GLCCI1: variants seen among roughly 807,000 people sequenced by gnomAD.
The protein encoded by GLCCI1 is glucocorticoid-induced transcript 1 protein.
In GLCCI1, 24 loss-of-function variants were observed where a neutral mutation model predicts 52.2. The ratio of observed to expected loss-of-function variants is 0.46; its 90% CI spans 0.33 to 0.65. The LOEUF (loss-of-function observed/expected upper bound fraction) is 0.65. Among genes scored for constraint, GLCCI1 ranks in the 30% least tolerant of loss-of-function variants. The pLI is 0.02. For synonymous variants in GLCCI1, 310 were observed against 276.5 expected (o/e 1.12, Z -1.20); for missense variants, 704 against 701.5 (o/e 1.00, Z -0.04).
chr7:8,069,647 G>A (rs1336393840), intron 5 of GLCCI1, among the ~76,000 whole-genome samples: 1 of 152,034 alleles, frequency 6.6e-6, no homozygotes, highest in Admixed American at 6.5e-5. Flanking sequence ...AAAGCCCTCG[G>A]CCTCTCTGTT....
At chr7:7,981,872 C>G (rs778601055) in intron 1 of GLCCI1, 3 of 456,006 alleles carry the variant, frequency 6.6e-6, no homozygotes, top group South Asian at 4.8e-5. Flanking sequence ...AGGCAGAAGA[C>G]TCCAAGTCAA....
chr7:7,970,363 A>C (rs1184803348), intron 1 of GLCCI1: 4 of 151,692 alleles, frequency 2.6e-5, no homozygotes, highest in Non-Finnish European at 5.9e-5. Flanking sequence ...TTTTTCCCTC[A>C]GTCCTCCCTC....
chr7:8,068,319 C>T (rs771235832), intron 5 of GLCCI1, among the ~76,000 whole-genome samples: 5 of 152,122 alleles, frequency 3.3e-5, no homozygotes, highest in Non-Finnish European at 5.9e-5. Context: ...CATTGCACTC[C>T]ATCCTGGCAA....
intron 6 of GLCCI1, among the ~76,000 whole-genome samples, chr7:8,074,729 A>G (rs1396110786): frequency 6.6e-6 from 1 of 152,192 alleles, no homozygotes; most frequent in African/African-American, 2.4e-5. Flanking sequence ...GTTTTCTACA[A>G]TAAATCATAA....
At chr7:8,001,577 A>G (rs1188808969) in intron 1 of GLCCI1, among the ~76,000 whole-genome samples, 3 of 152,370 alleles carry the variant, frequency 2.0e-5, no homozygotes, top group Middle Eastern at 3.4e-3. Flanking sequence ...TAAAAATACC[A>G]TTTGACCCAG....
At chr7:8,024,280 A>G (rs1296907421) in intron 3 of GLCCI1, among the ~76,000 whole-genome samples, 2 of 152,190 alleles carry the variant, frequency 1.3e-5, no homozygotes, top group African/African-American at 4.8e-5. Flanking sequence ...CAGCTTCTTT[A>G]TAGTATGGAT....
intron 2 of GLCCI1, among the ~76,000 whole-genome samples, chr7:8,013,807 G>C (rs1347364628): frequency 6.6e-6 from 1 of 152,044 alleles, no homozygotes; most frequent in Non-Finnish European, 1.5e-5. Flanking sequence ...TCTTCAACTT[G>C]ACTTTTCTTG....
At chr7:8,018,166 A>T (rs993485633) in intron 2 of GLCCI1, among the ~76,000 whole-genome samples, 1 of 152,154 alleles carries the variant, frequency 6.6e-6, no homozygotes, top group Non-Finnish European at 1.5e-5. Flanking sequence ...GTCAGTACTC[A>T]TATTTCTATA....
intron 5 of GLCCI1, among the ~76,000 whole-genome samples, chr7:8,060,916 A>G (rs532925000): frequency 5.9e-5 from 9 of 152,242 alleles, no homozygotes; most frequent in South Asian, 4.1e-4. Context: ...AAGTGTCTGC[A>G]TTGTTGTATA....
chr7:8,021,368 C>T (rs188688398), intron 2 of GLCCI1, among the ~76,000 whole-genome samples: 16 of 152,182 alleles, frequency 1.1e-4, no homozygotes, highest in Middle Eastern at 3.4e-3. Context: ...ATTTACATTA[C>T]GCAAGTCTTC....
chr7:8,086,325 C>G lies in GLCCI1; in HGVS notation c.1431C>G (p.Leu477=), dbSNP rs913390303. The G allele has an allele frequency of 2.5e-6, 4 of 1,613,940 alleles. No individual in the cohort carries two copies. In the African/African-American group the frequency reaches 4.0e-5, roughly 16 times the overall value. Residue 477 remains leucine, a synonymous_variant, in exon 8 of 8, where the codon CTC becomes CTG. Coordinates refer to ENST00000223145, the MANE Select transcript of GLCCI1 (RefSeq NM_138426.4). This position sits in a 1 kb window ranked among gnomAD's most constrained non-coding sequence, Gnocchi z 4.4. ...TCTTACCTGCTTCTGACCTTATGCT[C>G]AAGAACTCCCCTAACTCTGGCCAGA... ...GPLLPASDLM[L]KNSPNSGQSS...
chr7:8,086,992 A>G lies in GLCCI1; in HGVS notation c.*454A>G, dbSNP rs1000409926. On this transcript the variant is annotated 3_prime_UTR_variant, in exon 8 of 8. Transcript: ENST00000223145. This position sits in a 1 kb window ranked among gnomAD's most constrained non-coding sequence, Gnocchi z 4.4. Reference sequence around the variant, plus strand: ...AATACATACAATGCAAAAAAAAAAAAAAAAAAATGGCCACAACAGTTGCAC... The same window carrying G: ...AATACATACAATGCAAAAAAAAAAAGAAAAAAATGGCCACAACAGTTGCAC... 1 of 155,330 alleles carries G rather than the reference A, an allele frequency of 6.4e-6. No homozygotes were observed. Among genetic ancestry groups the G allele is most frequent in the African/African-American group, 2.4e-5 (1 of 41,456 alleles). 9.6% of individuals were successfully genotyped at this position (155,330 alleles called of 1,614,324 possible).
At chr7:8,057,783 A>G (rs1018106876) in intron 4 of GLCCI1, among the ~76,000 whole-genome samples, 8 of 152,130 alleles carry the variant, frequency 5.3e-5, no homozygotes, top group African/African-American at 1.9e-4. Context: ...TTTCTCTAGG[A>G]GTCCAGTGCG....
chr7:8,079,617 G>A (rs960643195), intron 6 of GLCCI1, among the ~76,000 whole-genome samples: 2 of 151,502 alleles, frequency 1.3e-5, no homozygotes, highest in Non-Finnish European at 2.9e-5. Context: ...TGCATATCAA[G>A]ATTATGTTGT....
At chr7:8,078,230 AG>A (rs1480033468) in intron 6 of GLCCI1, among the ~76,000 whole-genome samples, 4 of 149,990 alleles carry the variant, frequency 2.7e-5, no homozygotes, top group African/African-American at 9.8e-5. Context: ...AAAAAAAAAA[AG>A]GCCACTATTT....
intron 6 of GLCCI1, among the ~76,000 whole-genome samples, chr7:8,079,067 A>G (rs1432146147): frequency 1.3e-5 from 2 of 152,230 alleles, no homozygotes; most frequent in Non-Finnish European, 2.9e-5. Flanking sequence ...GTGAATATTT[A>G]AAATTGTAGT....
chr7:7,971,804 G>A lies in GLCCI1; in HGVS notation c.457+1997G>A, dbSNP rs532492554. 6.6e-5 allele frequency among the ~76,000 whole-genome samples: 10 copies of A among 152,302 alleles called. No homozygotes were observed. The South Asian group carries it at 2.1e-3, about 32-fold the overall frequency. On this transcript the variant is annotated intron_variant, in intron 1 of 7. Transcript: ENST00000223145. ...AATGCGATTTTAATGCAATCATGAT[G>A]AAAACACTTTTCTGAGTCTGGTTGT...
At chr7:8,041,533 G>T (rs909965421) in intron 3 of GLCCI1, among the ~76,000 whole-genome samples, 1 of 152,206 alleles carries the variant, frequency 6.6e-6, no homozygotes, top group African/African-American at 2.4e-5. Flanking sequence ...TAGCTGGAGA[G>T]AAGTTGATGA....
At chr7:8,067,729 G>A (rs79067224) in intron 5 of GLCCI1, among the ~76,000 whole-genome samples, 2,494 of 152,232 alleles carry the variant, frequency 0.016, 37 homozygotes, top group Non-Finnish European at 0.022. Context: ...TGGCCTCATG[G>A]GGTTCCCTTT....
Sources: gnomAD v4.1 joint callset for allele counts (sites outside exome capture counted in the v4.1 genomes callset) on GRCh38, gnomAD v4.1.1 for gene constraint, Gnocchi (gnomAD v3.1) non-coding constraint, MANE v1.5 for transcripts, NCBI Gene and HGNC (gene_info 2026-07-23, HGNC 2026-07-21) for gene names.